The following BICD1 variants were observed in gnomAD, a reference collection of about 807,000 sequenced individuals.
BICD1 encodes the protein protein bicaudal D homolog 1.
A neutral mutation model predicts 92.5 loss-of-function variants in BICD1; 35 were observed. The ratio of observed to expected loss-of-function variants is 0.38; its 90% CI spans 0.29 to 0.50. The LOEUF is 0.50. BICD1 is among the 20% of genes least tolerant of loss of function. The pLI is 0.93. For missense variants in BICD1, 950 were observed against 1,189.8 expected (o/e 0.80, Z 2.97); for synonymous variants, 429 against 465.1 (o/e 0.92, Z 1.00).
intron 1 of BICD1, among the ~76,000 whole-genome samples, chr12:32,118,819 C>A (rs1281572046): frequency 6.6e-6 from 1 of 152,188 alleles, no homozygotes; most frequent in East Asian, 1.9e-4. Flanking sequence ...TCATCTGTTT[C>A]ATTTATTCAT....
chr12:32,326,760 G>A (rs919024608), intron 4 of BICD1, among the ~76,000 whole-genome samples: 1 of 152,138 alleles, frequency 6.6e-6, no homozygotes, highest in Non-Finnish European at 1.5e-5. Flanking sequence ...GTGCATACCT[G>A]TAGTCCCAGC....
At chr12:32,332,863 T>G in intron 5 of BICD1, 1 of 985,050 alleles carries the variant, frequency 1.0e-6, no homozygotes, top group South Asian at 4.7e-5. Context: ...GAAATAAGAC[T>G]TTTTTTATTT....
chr12:32,209,490 T>C (rs1010983096), intron 1 of BICD1, among the ~76,000 whole-genome samples: 1 of 152,222 alleles, frequency 6.6e-6, no homozygotes, highest in African/African-American at 2.4e-5. Context: ...TTGTTATATG[T>C]TCAAATAAAG....
At chr12:32,182,963 C>T (rs1425530265) in intron 1 of BICD1, among the ~76,000 whole-genome samples, 1 of 139,538 alleles carries the variant, frequency 7.2e-6, no homozygotes, top group Non-Finnish European at 1.5e-5. Flanking sequence ...GGTGTGATCA[C>T]AGATCACTGC....
intron 1 of BICD1, among the ~76,000 whole-genome samples, chr12:32,173,888 T>C (rs1398352646): frequency 6.6e-6 from 1 of 152,234 alleles, no homozygotes; most frequent in Non-Finnish European, 1.5e-5. Flanking sequence ...ATTCCACAAA[T>C]GATTTCTTAC....
At chr12:32,268,399 T>C (rs189839792) in intron 2 of BICD1, among the ~76,000 whole-genome samples, 1 of 144,294 alleles carries the variant, frequency 6.9e-6, no homozygotes, top group Non-Finnish European at 1.5e-5. Flanking sequence ...CATTGGTCCA[T>C]GTTCAACTGC....
chr12:32,191,108 G>C (rs1486595310), intron 1 of BICD1, among the ~76,000 whole-genome samples: 1 of 152,144 alleles, frequency 6.6e-6, no homozygotes, highest in African/African-American at 2.4e-5. Flanking sequence ...GGGAAGTTTA[G>C]AGGGATAAAG....
In BICD1 at chr12:32,141,928, C is replaced by T. The variant is rs1388424060; in HGVS notation, c.213+34384C>T. The stretch of plus-strand genomic sequence containing the variant: ...CCAGAGCCTAGCACATAGTAGGTGA[C>T]GAACAAATGTTCATCGAATGTATGG... On this transcript the variant is annotated intron_variant, in intron 1 of 9. Transcript: ENST00000652176. 2.0e-5 allele frequency among the ~76,000 whole-genome samples: 3 copies of T among 152,194 alleles called. No homozygotes were observed. The East Asian group carries it at 5.8e-4, about 29-fold the overall frequency.
At chr12:32,297,473 G>C (rs937715321) in intron 3 of BICD1, among the ~76,000 whole-genome samples, 3 of 152,120 alleles carry the variant, frequency 2.0e-5, no homozygotes, top group Non-Finnish European at 2.9e-5. Flanking sequence ...TGGGATTACA[G>C]GCATGAGCCA....
At chr12:32,157,974 T>G (rs1943488221) in intron 1 of BICD1, among the ~76,000 whole-genome samples, 1 of 152,072 alleles carries the variant, frequency 6.6e-6, no homozygotes, top group Admixed American at 6.6e-5. Context: ...TAAAATGAAA[T>G]TTTTAAAAAA....
intron 3 of BICD1, among the ~76,000 whole-genome samples, chr12:32,296,115 A>T (rs1326956025): frequency 6.7e-6 from 1 of 150,334 alleles, no homozygotes; most frequent in Non-Finnish European, 1.5e-5. Context: ...ATGTGTGCTG[A>T]GGGCTGGCCA....
At chr12:32,162,976 ACT>A (rs1454395417) in intron 1 of BICD1, among the ~76,000 whole-genome samples, 2 of 152,022 alleles carry the variant, frequency 1.3e-5, no homozygotes, top group Non-Finnish European at 2.9e-5. Flanking sequence ...ACAAAGTGAG[ACT>A]CTGTCTTAAA....
At chr12:32,205,947 A>G (rs1229910140) in intron 1 of BICD1, among the ~76,000 whole-genome samples, 1 of 152,018 alleles carries the variant, frequency 6.6e-6, no homozygotes, top group East Asian at 1.9e-4. Context: ...TGTAAATGGA[A>G]TGTTACTGAA....
intron 2 of BICD1, among the ~76,000 whole-genome samples, chr12:32,226,223 C>A (rs1388100214): frequency 6.6e-6 from 1 of 152,144 alleles, no homozygotes; most frequent in African/African-American, 2.4e-5. Context: ...CAGCCTCCAC[C>A]TCCTGGGTTC....
At chr12:32,140,190 G>T (rs1277752138) in intron 1 of BICD1, among the ~76,000 whole-genome samples, 1 of 152,174 alleles carries the variant, frequency 6.6e-6, no homozygotes, top group Non-Finnish European at 1.5e-5. Flanking sequence ...TTAACAGCAG[G>T]ATCCTCTGGG....
At chr12:32,203,252 G>A (rs1320704867) in intron 1 of BICD1, among the ~76,000 whole-genome samples, 2 of 152,196 alleles carry the variant, frequency 1.3e-5, no homozygotes, top group African/African-American at 4.8e-5. Flanking sequence ...TTTGGAAATA[G>A]TATAGGAGAA....
At chr12:32,322,386 C>G (rs1464419146) in intron 4 of BICD1, among the ~76,000 whole-genome samples, 4 of 152,146 alleles carry the variant, frequency 2.6e-5, no homozygotes, top group Non-Finnish European at 5.9e-5. Flanking sequence ...AATTTTTCCA[C>G]AGATAGGGTG....
Position 32,381,254 on chromosome 12 carries a change from A to G in BICD1, c.*3627A>G, listed in dbSNP as rs960416392. On this transcript the variant is annotated 3_prime_UTR_variant, in exon 10 of 10. Transcript: ENST00000652176. The stretch of plus-strand genomic sequence containing the variant: ...CATGGTATCTTTAAAATTGTTCAGA[A>G]TATAGGACTTTTACTAAAAAAATTC... The G allele has an allele frequency of 2.2e-4, 34 of 152,066 alleles. No homozygotes were observed. Among genetic ancestry groups the G allele is most frequent in the African/African-American group, 7.7e-4 (32 of 41,442 alleles). 9.4% of individuals were successfully genotyped at this position (152,066 alleles called of 1,614,324 possible).
At chr12:32,191,499 C>T (rs1944564569) in intron 1 of BICD1, among the ~76,000 whole-genome samples, 2 of 150,714 alleles carry the variant, frequency 1.3e-5, no homozygotes, top group Admixed American at 6.6e-5. Flanking sequence ...CCCGCATGTG[C>T]TCACTCTGTG....
Sources: allele counts gnomAD v4.1 joint callset (sites outside exome capture counted in the v4.1 genomes callset), GRCh38; gene constraint gnomAD v4.1.1; transcripts MANE v1.5; gene names NCBI Gene and HGNC (gene_info 2026-07-23, HGNC 2026-07-21).